Variants in WWOX observed in about 807,000 individuals in gnomAD.
WWOX encodes the protein WW domain-containing oxidoreductase.
WWOX carries 69 observed loss-of-function variants against 46.2 expected under a neutral mutation model. That is an observed-to-expected ratio of 1.49 (90% CI 1.23 to 1.82). The LOEUF (loss-of-function observed/expected upper bound fraction) is 1.82. Among genes scored for constraint, WWOX ranks in the 40% most tolerant of loss-of-function variants. The pLI is 0.00. For missense variants in WWOX, 919 were observed against 542.6 expected, an observed-to-expected ratio of 1.69 and a Z score of -6.89; for synonymous variants, 359 against 202.6, an observed-to-expected ratio of 1.77 and a Z score of -6.56.
chr16:78,839,650 T>G (rs777423725), intron 8 of WWOX, among the ~76,000 whole-genome samples: 1 of 152,164 alleles, frequency 6.6e-6, no homozygotes, highest in African/African-American at 2.4e-5. Flanking sequence ...CTCACTGTTA[T>G]GGAGGGTGGG....
At chr16:78,994,484 G>A (rs1312055288) in intron 8 of WWOX, 1 of 152,092 alleles carries the variant, frequency 6.6e-6, no homozygotes, top group African/African-American at 2.4e-5. Flanking sequence ...TTATGACTCC[G>A]GCACCGAGGT....
intron 8 of WWOX, among the ~76,000 whole-genome samples, chr16:78,996,555 G>C (rs931402445): frequency 1.3e-5 from 2 of 151,946 alleles, no homozygotes; most frequent in African/African-American, 4.8e-5. Context: ...AACTAATGTG[G>C]GAGAGAAGAG....
At chr16:78,669,967 T>C (rs548162047) in intron 8 of WWOX, among the ~76,000 whole-genome samples, 13 of 152,324 alleles carry the variant, frequency 8.5e-5, no homozygotes, top group Non-Finnish European at 1.5e-4. Context: ...TTGCCTTTTC[T>C]CCCTTCATCC....
At chr16:78,585,290 A>C (rs766416676) in intron 8 of WWOX, among the ~76,000 whole-genome samples, 6 of 152,226 alleles carry the variant, frequency 3.9e-5, no homozygotes, top group Non-Finnish European at 8.8e-5. Context: ...CCTTGGCAGC[A>C]GTTCTCCCTG....
chr16:78,187,555 A>G (rs1006638343), intron 5 of WWOX, among the ~76,000 whole-genome samples: 2 of 152,172 alleles, frequency 1.3e-5, no homozygotes, highest in African/African-American at 4.8e-5. Flanking sequence ...ATGAGCCGAG[A>G]TCGCGCCACT....
chr16:78,221,226 A>C (rs929653949), intron 5 of WWOX, among the ~76,000 whole-genome samples: 4 of 152,216 alleles, frequency 2.6e-5, no homozygotes, highest in African/African-American at 9.6e-5. Flanking sequence ...GTTAGAGATT[A>C]AAAGGTTTAG....
chr16:78,207,552 T>G (rs1009700526), intron 5 of WWOX, among the ~76,000 whole-genome samples: 55 of 152,110 alleles, frequency 3.6e-4, no homozygotes, highest in African/African-American at 1.3e-3. Context: ...TAGCTTCTCA[T>G]TTTAATTTTC....
intron 4 of WWOX, among the ~76,000 whole-genome samples, chr16:78,118,037 C>G (rs931845220): frequency 6.9e-6 from 1 of 144,950 alleles, no homozygotes. Context: ...TTCTTTCTTT[C>G]TTTCTTTCTT....
Position 78,886,232 on chromosome 16 carries a change from T to C in WWOX, c.1057-325376T>C, listed in dbSNP as rs552282895. On this transcript the variant is annotated intron_variant, in intron 8 of 8. Coordinates refer to ENST00000566780, the MANE Select transcript of WWOX (RefSeq NM_016373.4). ...GAACCACTGCGCCTGACTGTACTTT[T>C]TTTTTTTTAAAGTATACCCATACCC... Among the ~76,000 whole-genome samples, 729 of 151,688 alleles carry C rather than the reference T, an allele frequency of 4.8e-3. 9 individuals carry two copies. Among genetic ancestry groups the C allele is most frequent in the African/African-American group, 0.017 (691 of 41,420 alleles).
chr16:78,619,198 T>C (rs1173328515), intron 8 of WWOX, among the ~76,000 whole-genome samples: 1 of 39,124 alleles, frequency 2.6e-5, no homozygotes, highest in Non-Finnish European at 4.4e-5. Flanking sequence ...TATATATATA[T>C]ATATATATAT....
chr16:78,528,528 C>T (rs756509705), intron 8 of WWOX, among the ~76,000 whole-genome samples: 5 of 152,072 alleles, frequency 3.3e-5, no homozygotes, highest in Admixed American at 3.3e-4. Context: ...CTGCTGTTAT[C>T]ATACAAAGTA....
chr16:78,540,990 C>A (rs1452874196), intron 8 of WWOX, among the ~76,000 whole-genome samples: 2 of 152,024 alleles, frequency 1.3e-5, no homozygotes, highest in African/African-American at 2.4e-5. Flanking sequence ...TTAGGTCCCC[C>A]ACTATTAATA....
chr16:78,708,008 C>T (rs1036823778), intron 8 of WWOX, among the ~76,000 whole-genome samples: 1 of 152,052 alleles, frequency 6.6e-6, no homozygotes, highest in South Asian at 2.1e-4. Context: ...CCTGAAATCC[C>T]ATGGCTAGGA....
At chr16:78,313,882 TCA>T (rs1162697428) in intron 5 of WWOX, among the ~76,000 whole-genome samples, 1 of 152,222 alleles carries the variant, frequency 6.6e-6, no homozygotes, top group Non-Finnish European at 1.5e-5. Context: ...GAATTCATTC[TCA>T]GATTGGAATT....
In WWOX at chr16:78,332,726, G is replaced by A. The variant is rs78216495; in HGVS notation, c.517-54134G>A. Among the ~76,000 whole-genome samples the A allele has an allele frequency of 7.4e-3, 1,134 of 152,248 alleles. 8 individuals carry two copies. The highest frequency in any genetic ancestry group is 0.012 in the Non-Finnish European group (808 of 68,024). The stretch of plus-strand genomic sequence containing the variant: ...ACTGTAGTTATAATAATGTCATGAT[G>A]ACTGAGGATCACTGAGTGTGCCTTT... On this transcript the variant is annotated intron_variant, in intron 5 of 8. Coordinates refer to ENST00000566780, the MANE Select transcript of WWOX (RefSeq NM_016373.4).
intron 8 of WWOX, among the ~76,000 whole-genome samples, chr16:78,432,992 G>A (rs569153210): frequency 2.0e-5 from 3 of 151,660 alleles, no homozygotes; most frequent in Admixed American, 2.0e-4. Context: ...AAGTATGGCT[G>A]AAAGTCCTTA....
intron 5 of WWOX, among the ~76,000 whole-genome samples, chr16:78,328,392 C>G (rs1398170885): frequency 6.6e-6 from 1 of 152,122 alleles, no homozygotes; most frequent in African/African-American, 2.4e-5. Context: ...AATTTAGAAT[C>G]CTTCAACACA....
intron 4 of WWOX, among the ~76,000 whole-genome samples, chr16:78,153,239 T>C (rs1234345415): frequency 6.6e-6 from 1 of 152,162 alleles, no homozygotes; most frequent in Non-Finnish European, 1.5e-5. Context: ...ATTGAGCATA[T>C]AGGCGTGGTG....
intron 8 of WWOX, among the ~76,000 whole-genome samples, chr16:78,992,971 G>A (rs2046917854): frequency 6.6e-6 from 1 of 151,192 alleles, no homozygotes; most frequent in Admixed American, 6.6e-5. Context: ...AAATTATTCA[G>A]TGACTTCCTC....
Sources: gnomAD v4.1 joint callset for allele counts (sites outside exome capture counted in the v4.1 genomes callset) on GRCh38, gnomAD v4.1.1 for gene constraint, MANE v1.5 for transcripts, NCBI Gene and HGNC (gene_info 2026-07-23, HGNC 2026-07-21) for gene names.